The following MGAT5 variants were observed in gnomAD, a reference collection of about 807,000 sequenced individuals.
MGAT5 encodes the protein alpha-1,6-mannosylglycoprotein 6-beta-N-acetylglucosaminyltransferase A.
MGAT5 carries 30 observed loss-of-function variants against 94.3 expected under a neutral mutation model. The ratio of observed to expected loss-of-function variants is 0.32; its 90% CI spans 0.24 to 0.43. The LOEUF (loss-of-function observed/expected upper bound fraction) is 0.43, where lower values mean the gene tolerates loss of function less well. Among genes scored for constraint, MGAT5 ranks in the 20% least tolerant of loss-of-function variants. The pLI, the probability that MGAT5 is intolerant of heterozygous loss-of-function variation, is 1.00. For missense variants in MGAT5, 691 were observed against 905.5 expected (o/e 0.76, Z 3.04); for synonymous variants, 310 against 322.9 (o/e 0.96, Z 0.43).
intron 1 of MGAT5, among the ~76,000 whole-genome samples, chr2:134,148,703 C>T (rs190378847): frequency 0.017 from 2,623 of 151,386 alleles, 85 homozygotes; most frequent in African/African-American, 0.061. Flanking sequence ...TCACTTCTAT[C>T]GTAGAGAACT....
At chr2:134,395,456 A>G (rs755090779) in intron 10 of MGAT5, among the ~76,000 whole-genome samples, 1 of 152,242 alleles carries the variant, frequency 6.6e-6, no homozygotes, top group Non-Finnish European at 1.5e-5. Context: ...CCACATGGGC[A>G]GTGATGTGAA....
At chr2:134,384,214 GA>G (rs34069237) in intron 10 of MGAT5, among the ~76,000 whole-genome samples, 25,345 of 137,694 alleles carry the variant, frequency 0.18, 2,370 homozygotes, top group Middle Eastern at 0.27. Flanking sequence ...TCCGGCCCTT[GA>G]AAAAAAAAAA....
chr2:134,308,625 T>G (rs902594576), intron 2 of MGAT5, among the ~76,000 whole-genome samples: 1 of 152,234 alleles, frequency 6.6e-6, no homozygotes, highest in Non-Finnish European at 1.5e-5. Context: ...ACAAATGCTC[T>G]AATTTAGGTG....
intron 10 of MGAT5, among the ~76,000 whole-genome samples, chr2:134,367,329 T>C (rs1345299859): frequency 6.6e-6 from 1 of 152,210 alleles, no homozygotes; most frequent in Non-Finnish European, 1.5e-5. Flanking sequence ...ATGGAAAATA[T>C]AAGCCTGTCC....
chr2:134,407,737 T>C (rs1278538612), intron 11 of MGAT5, among the ~76,000 whole-genome samples: 1 of 152,172 alleles, frequency 6.6e-6, no homozygotes, highest in African/African-American at 2.4e-5. Context: ...ATGTGGAAAG[T>C]ACACAGGTAG....
Position 134,189,599 on chromosome 2 carries a change from T to TTG in MGAT5, c.-142-64662_-142-64661insGT, listed in dbSNP as rs1553490354. Among the ~76,000 whole-genome samples, 81 of 76,920 alleles carry TTG rather than the reference T, an allele frequency of 1.1e-3. 1 individual carries two copies. Among genetic ancestry groups the TTG allele is most frequent in the African/African-American group, 5.1e-3 (73 of 14,298 alleles). 50.5% of individuals were successfully genotyped at this position (76,920 alleles called of 152,430 possible). A position where few individuals can be genotyped will look rare whatever the true frequency, so the allele number is the denominator to read the frequency against. On this transcript the variant is annotated intron_variant, in intron 1 of 16. Coordinates refer to the MGAT5 transcript ENST00000409645. ...ACTAACCTCATGGCTCTAGTTTTTTTTTGTTTTTTTTTTTTTTTTTTAAGA... is the reference window on the plus strand; with the variant it reads ...ACTAACCTCATGGCTCTAGTTTTTTTTGTTGTTTTTTTTTTTTTTTTTTAAGA...
chr2:134,160,058 G>T (rs903708647), intron 1 of MGAT5, among the ~76,000 whole-genome samples: 10 of 152,136 alleles, frequency 6.6e-5, no homozygotes, highest in African/African-American at 2.4e-4. Context: ...CTGCTGCTGT[G>T]CTTTCCTAGG....
chr2:134,403,132 A>G lies in MGAT5; in HGVS notation c.1525A>G (p.Thr509Ala), dbSNP rs752465950. The G allele has an allele frequency of 1.2e-6, 2 of 1,601,642 alleles. No individual in the cohort carries two copies. The highest frequency in any genetic ancestry group is 2.3e-5 in the South Asian group (2 of 87,864). Residue 509 changes from threonine to alanine, a missense_variant, in exon 11 of 16, where the codon ACC becomes GCC. Coordinates refer to ENST00000281923, the MANE Select transcript of MGAT5 (RefSeq NM_002410.5). ...GRDLQFLLRETKLFVGLGFPY... is the reference protein window; with the variant it reads ...GRDLQFLLREAKLFVGLGFPY... ...GGACCTGCAGTTCCTTCTTCGAGAA[A>G]CCAAGGTAAAAATTCACCACGGATG...
intron 1 of MGAT5, among the ~76,000 whole-genome samples, chr2:134,229,329 C>CCTCTA: frequency 6.6e-6 from 1 of 152,232 alleles, no homozygotes; most frequent in East Asian, 1.9e-4. Context: ...TGAATTTTGC[C>CCTCTA]CAGTAGAGGT....
At chr2:134,390,404 G>T (rs1682328726) in intron 10 of MGAT5, among the ~76,000 whole-genome samples, 1 of 152,158 alleles carries the variant, frequency 6.6e-6, no homozygotes, top group Non-Finnish European at 1.5e-5. Context: ...TGCACAACGT[G>T]CAGGTTTGTT....
chr2:134,233,828 G>A (rs1441419951), intron 1 of MGAT5, among the ~76,000 whole-genome samples: 1 of 152,220 alleles, frequency 6.6e-6, no homozygotes, highest in Non-Finnish European at 1.5e-5. Context: ...TCAGTGCAGA[G>A]ATTTTAATCT....
chr2:134,241,815 A>C (rs1367204986), intron 1 of MGAT5, among the ~76,000 whole-genome samples: 2 of 152,188 alleles, frequency 1.3e-5, no homozygotes, highest in Non-Finnish European at 2.9e-5. Context: ...CACAGGTCAT[A>C]CATAAGAGGT....
chr2:134,437,475 G>A (rs1685225059), intron 14 of MGAT5, among the ~76,000 whole-genome samples: 1 of 152,194 alleles, frequency 6.6e-6, no homozygotes, highest in Non-Finnish European at 1.5e-5. Flanking sequence ...AGCCTAAACA[G>A]GAGCTTTCAG....
rs138111182 is a variant in MGAT5 at position 134,202,526 on chromosome 2, C to T, written c.-142-51736C>T. Among the ~76,000 whole-genome samples the T allele has an allele frequency of 8.7e-4, 133 of 152,310 alleles. 1 individual carries two copies. Among genetic ancestry groups the T allele is most frequent in the African/African-American group, 3.0e-3 (126 of 41,568 alleles). ...ACAAATTGCGCAGTCTAAAGTGTTT[C>T]GTTTTACTAGGCTGAACAGACTGAG... On this transcript the variant is annotated intron_variant, in intron 1 of 16. Transcript: ENST00000409645.
intron 15 of MGAT5, among the ~76,000 whole-genome samples, chr2:134,443,670 G>A (rs1438666633): frequency 6.6e-6 from 1 of 152,230 alleles, no homozygotes; most frequent in Non-Finnish European, 1.5e-5. Context: ...GAAAGCCTGT[G>A]ATGGTACTGG....
In MGAT5 at chr2:134,336,197, G is replaced by T. The variant is rs1248977225; in HGVS notation, c.574-20G>T. The stretch of plus-strand genomic sequence containing the variant: ...CATTATAGATGAAGCTGCATATTTA[G>T]TGTCACTGATGCTTTTTAGGTTGAA... On this transcript the variant is annotated intron_variant, in intron 4 of 15. Transcript: ENST00000281923. 5.6e-6 allele frequency: 9 copies of T among 1,603,302 alleles called. No individual in the cohort carries two copies. Among genetic ancestry groups the T allele is most frequent in the Non-Finnish European group, 7.7e-6 (9 of 1,171,872 alleles).
At chr2:134,375,552 C>T (rs1681114618) in intron 10 of MGAT5, among the ~76,000 whole-genome samples, 2 of 152,176 alleles carry the variant, frequency 1.3e-5, no homozygotes, top group South Asian at 4.1e-4. Flanking sequence ...TTTCAGTTTT[C>T]ACTGCATGTG....
At chr2:134,350,251 A>G (rs1679297133) in intron 9 of MGAT5, among the ~76,000 whole-genome samples, 1 of 152,326 alleles carries the variant, frequency 6.6e-6, no homozygotes, top group South Asian at 2.1e-4. Flanking sequence ...CACTAAACAC[A>G]TTTTATGCCA....
chr2:134,300,790 A>G (rs1322489568), intron 2 of MGAT5, among the ~76,000 whole-genome samples: 3 of 152,116 alleles, frequency 2.0e-5, no homozygotes, highest in Non-Finnish European at 4.4e-5. Flanking sequence ...TCGTTGGCAA[A>G]GGGTTAGTTG....
Sources: gnomAD v4.1 joint callset for allele counts (sites outside exome capture counted in the v4.1 genomes callset) on GRCh38, gnomAD v4.1.1 for gene constraint, MANE v1.5 for transcripts, NCBI Gene and HGNC (gene_info 2026-07-23, HGNC 2026-07-21) for gene names.